Variants in HDAC4 observed in about 807,000 individuals in gnomAD.
HDAC4 encodes histone deacetylase 4.
In HDAC4, 16 loss-of-function variants were observed where a neutral mutation model predicts 135.1. The ratio of observed to expected loss-of-function variants is 0.12; its 90% CI spans 0.08 to 0.18. The LOEUF (loss-of-function observed/expected upper bound fraction) is 0.18. Among genes scored for constraint, HDAC4 ranks in the 10% least tolerant of loss-of-function variants. HDAC4 has a pLI of 1.00. For synonymous variants in HDAC4, 685 were observed against 653.4 expected, an observed-to-expected ratio of 1.05 and a Z score of -0.74; for missense variants, 1,143 against 1,511.8, an observed-to-expected ratio of 0.76 and a Z score of 4.05.
At chr2:239,084,832 C>A (rs1047543185) in intron 19 of HDAC4, among the ~76,000 whole-genome samples, 2 of 151,130 alleles carry the variant, frequency 1.3e-5, no homozygotes, top group Non-Finnish European at 3.0e-5. Flanking sequence ...GACACACACA[C>A]CATGCAAACG....
At chr2:239,082,348 C>T (rs2035421827) in intron 20 of HDAC4, 127 bp from the exon 21 acceptor site, 2 of 1,265,006 alleles carry the variant, frequency 1.6e-6, no homozygotes, top group East Asian at 2.4e-5. Flanking sequence ...ACATTACCCT[C>T]CAGCTGGGCC....
In HDAC4 at chr2:239,049,025, A is replaced by T. The variant is rs1189552465; in HGVS notation, c.*4072T>A. 3 of 152,224 alleles carry T rather than the reference A, an allele frequency of 2.0e-5. No individual in the cohort carries two copies. Among genetic ancestry groups the T allele is most frequent in the African/African-American group, 7.2e-5 (3 of 41,452 alleles). 9.4% of individuals were successfully genotyped at this position (152,224 alleles called of 1,614,324 possible). A position where few individuals can be genotyped will look rare whatever the true frequency, so the allele number is the denominator to read the frequency against. Reference sequence around the variant, plus strand: ...AAAGGAAACAAACAAAACAAAACAAAACAAAATTCCTCCAAATCAACTCGA... The same window carrying T: ...AAAGGAAACAAACAAAACAAAACAATACAAAATTCCTCCAAATCAACTCGA... On this transcript the variant is annotated 3_prime_UTR_variant, in exon 27 of 27. Coordinates refer to ENST00000543185, the MANE Select transcript of HDAC4 (RefSeq NM_001378414.1).
intron 2 of HDAC4, among the ~76,000 whole-genome samples, chr2:239,292,815 G>A (rs1016109808): frequency 2.0e-5 from 3 of 152,136 alleles, no homozygotes; most frequent in African/African-American, 7.2e-5. Flanking sequence ...GACCTAGACC[G>A]TCCTTTTAAT....
chr2:239,350,139 A>G (rs1404798826), intron 2 of HDAC4, among the ~76,000 whole-genome samples: 1 of 152,222 alleles, frequency 6.6e-6, no homozygotes. Context: ...TTGTTAGCCA[A>G]AAGAAACCAA....
At chr2:239,149,744 C>A (rs1339172454) in intron 7 of HDAC4, among the ~76,000 whole-genome samples, 1 of 152,028 alleles carries the variant, frequency 6.6e-6, no homozygotes, top group Non-Finnish European at 1.5e-5. Context: ...CAGCCATGCC[C>A]GCCCTTGACT....
chr2:239,165,628 G>A (rs1248305712), intron 5 of HDAC4, among the ~76,000 whole-genome samples: 1 of 152,164 alleles, frequency 6.6e-6, no homozygotes, highest in African/African-American at 2.4e-5. Context: ...CTCATCCCCC[G>A]ACTGTGGATG....
In HDAC4 at chr2:239,068,568, A is replaced by G; in HGVS notation, c.2790T>C (p.Asp930=). 1.9e-6 allele frequency: 3 copies of G among 1,613,980 alleles called. No individual in the cohort carries two copies. The highest frequency in any genetic ancestry group is 2.5e-6 in the Non-Finnish European group (3 of 1,179,990). The change falls in exon 23 of 27, where the codon GAT becomes GAC. Residue 930 remains aspartate (D), a synonymous_variant. Coordinates refer to ENST00000543185, the MANE Select transcript of HDAC4 (RefSeq NM_001378414.1). The surrounding 1 kb of genome is among the most constrained non-coding windows in gnomAD (Gnocchi z 4.4). The part of the protein sequence containing the change: ...VMPIASEFAP[D]VVLVSSGFDA... ...CGAAGCCTGATGACACCAGCACCAC[A>G]TCCGGGGCAAACTCGCTGGCGATCG... is the stretch of plus-strand genomic sequence containing the variant.
chr2:239,063,043 C>T (rs978946816), intron 24 of HDAC4, among the ~76,000 whole-genome samples: 1 of 152,162 alleles, frequency 6.6e-6, no homozygotes, highest in Non-Finnish European at 1.5e-5. Flanking sequence ...GTCGCTCCTC[C>T]GGCTAAGTCT....
chr2:239,074,695 C>T (rs954734983), intron 22 of HDAC4, among the ~76,000 whole-genome samples: 3 of 152,206 alleles, frequency 2.0e-5, no homozygotes, highest in African/African-American at 7.2e-5. Context: ...CATGAGTGCA[C>T]CTTCAGCACC....
rs574643674 is a variant in HDAC4, at chr2:239,146,039, C to T, written c.734-1325G>A. On this transcript the variant is annotated intron_variant, in intron 7 of 26. Transcript: ENST00000543185. The surrounding 1 kb of genome is among the most constrained non-coding windows in gnomAD (Gnocchi z 4.5). Reference sequence around the variant, plus strand: ...CCAGACTCTAAGCCTCTGCAGGGAGCGAGGCCTCTGTGCTGTGGCACGGGG... The same window carrying T: ...CCAGACTCTAAGCCTCTGCAGGGAGTGAGGCCTCTGTGCTGTGGCACGGGG... Among the ~76,000 whole-genome samples, 1 of 152,238 alleles carries T rather than the reference C, an allele frequency of 6.6e-6. No homozygotes were observed. The highest frequency in any genetic ancestry group is 2.4e-5 in the African/African-American group (1 of 41,544).
intron 2 of HDAC4, among the ~76,000 whole-genome samples, chr2:239,258,411 G>T (rs1037222741): frequency 6.6e-6 from 1 of 152,174 alleles, no homozygotes; most frequent in African/African-American, 2.4e-5. Flanking sequence ...CGGCCGTGGA[G>T]GGGGAGGGGG....
chr2:239,265,665 G>A (rs573157433), intron 2 of HDAC4, among the ~76,000 whole-genome samples: 85 of 152,336 alleles, frequency 5.6e-4, no homozygotes, highest in Admixed American at 1.6e-3. Flanking sequence ...CCACAGCGCC[G>A]GCACCAACAC....
chr2:239,181,181 T>G lies in HDAC4; in HGVS notation c.340-4618A>C, dbSNP rs192324986. On this transcript the variant is annotated intron_variant, in intron 4 of 26. Coordinates refer to ENST00000543185, the MANE Select transcript of HDAC4 (RefSeq NM_001378414.1). ...CTGTCCACAAACACGCCCACCCACC[T>G]ACAGCCCTCACAAGGGGGGTGGGAC... is the stretch of plus-strand genomic sequence containing the variant. 2.2e-4 allele frequency among the ~76,000 whole-genome samples: 34 copies of G among 152,302 alleles called. 1 individual carries two copies. Among genetic ancestry groups the G allele is most frequent in the African/African-American group, 7.7e-4 (32 of 41,566 alleles).
chr2:239,268,171 G>A (rs1181110809), intron 2 of HDAC4, among the ~76,000 whole-genome samples: 1 of 152,212 alleles, frequency 6.6e-6, no homozygotes, highest in Non-Finnish European at 1.5e-5. Flanking sequence ...TTAGGAAGTT[G>A]GAATGGGTGC....
chr2:239,189,905 G>T lies in HDAC4; in HGVS notation c.267C>A (p.Leu89=). 1 of 1,611,278 alleles carries T rather than the reference G, an allele frequency of 6.2e-7. No individual in the cohort carries two copies. ...KQKQQIQRQI[L]IAEFQRQHEQ... ...CGTGCTGCCTCTGGAACTCAGCGAT[G>T]AGGATCTGCCTCTGGATCTGCTGCT... is the stretch of plus-strand genomic sequence containing the variant. Residue 89 remains leucine, a synonymous_variant, in exon 4 of 27, where the codon CTC becomes CTA. Coordinates refer to ENST00000543185, the MANE Select transcript of HDAC4 (RefSeq NM_001378414.1).
chr2:239,138,241 A>G (rs1222130660), intron 9 of HDAC4, among the ~76,000 whole-genome samples: 1 of 152,242 alleles, frequency 6.6e-6, no homozygotes, highest in Non-Finnish European at 1.5e-5. Flanking sequence ...AAATCGATGT[A>G]TGAAGTAGAA....
intron 13 of HDAC4, 76 bp downstream of exon 13, chr2:239,114,977 C>A (rs748814497): frequency 1.9e-4 from 299 of 1,570,306 alleles, no homozygotes; most frequent in Non-Finnish European, 2.5e-4. Context: ...CCCGTGATCA[C>A]CACAGAAGAT....
intron 2 of HDAC4, among the ~76,000 whole-genome samples, chr2:239,277,990 C>CCCAGCCACACACCCCAGCCACATACT (rs1559317692): frequency 2.6e-4 from 38 of 147,526 alleles, no homozygotes; most frequent in Non-Finnish European, 4.6e-4. Flanking sequence ...AGCCACACAC[C>CCCAGCCACACACCCCAGCCACATACT]CCAGCCACAC....
intron 22 of HDAC4, among the ~76,000 whole-genome samples, chr2:239,074,789 C>T (rs1388202227): frequency 6.6e-6 from 1 of 152,128 alleles, no homozygotes; most frequent in East Asian, 1.9e-4. Flanking sequence ...GAGCATGGCA[C>T]TCCCTGTGTC....
Sources: gnomAD v4.1 joint callset for allele counts (sites outside exome capture counted in the v4.1 genomes callset) on GRCh38, gnomAD v4.1.1 for gene constraint, Gnocchi (gnomAD v3.1) non-coding constraint, MANE v1.5 for transcripts, NCBI Gene and HGNC (gene_info 2026-07-23, HGNC 2026-07-21) for gene names.